Variants in PIK3C2G observed in about 807,000 individuals in gnomAD.
PIK3C2G encodes the protein phosphatidylinositol 3-kinase C2 domain-containing subunit gamma.
In PIK3C2G, 168 loss-of-function variants were observed where a neutral mutation model predicts 181.1. The ratio of observed to expected loss-of-function variants is 0.93; its 90% confidence interval spans 0.82 to 1.05. The LOEUF (loss-of-function observed/expected upper bound fraction) is 1.05, where lower values mean the gene tolerates loss of function less well. Ranked by LOEUF, PIK3C2G falls within the 50% of genes least tolerant of loss-of-function variation. The probability of loss-of-function intolerance (pLI) is 0.00; values close to 1 mark genes in which losing one functional copy is unlikely to be tolerated. For missense variants in PIK3C2G, 1,869 were observed against 1,732.8 expected, an observed-to-expected ratio of 1.08 and a Z score of -1.40; for synonymous variants, 573 against 592.2, an observed-to-expected ratio of 0.97 and a Z score of 0.47.
intron 24 of PIK3C2G, among the ~76,000 whole-genome samples, chr12:18,510,360 G>T (rs1375217006): frequency 6.6e-6 from 1 of 152,112 alleles, no homozygotes; most frequent in Non-Finnish European, 1.5e-5. Flanking sequence ...CTGTAACAAT[G>T]ATTTCTACAG....
At chr12:18,411,308 T>C (rs1944857961) in intron 16 of PIK3C2G, among the ~76,000 whole-genome samples, 1 of 152,156 alleles carries the variant, frequency 6.6e-6, no homozygotes, top group South Asian at 2.1e-4. Context: ...TGGATGATAG[T>C]TTCAGTGACA....
At chr12:18,509,415 A>G (rs756471468) in intron 24 of PIK3C2G, among the ~76,000 whole-genome samples, 3 of 152,252 alleles carry the variant, frequency 2.0e-5, no homozygotes, top group Non-Finnish European at 4.4e-5. Context: ...GAGGTGATAT[A>G]AGAAGGATCT....
chr12:18,343,411 A>G (rs1330104713), intron 10 of PIK3C2G, 51 bp downstream of exon 10: 1 of 971,112 alleles, frequency 1.0e-6, no homozygotes, highest in Non-Finnish European at 1.5e-6. Flanking sequence ...AAAATAAGTT[A>G]CAGAATCCAA....
chr12:18,625,635 A>G (rs1165492025), intron 31 of PIK3C2G, among the ~76,000 whole-genome samples: 1 of 151,752 alleles, frequency 6.6e-6, no homozygotes, highest in Non-Finnish European at 1.5e-5. Context: ...GTTCCCTACC[A>G]TTATTGTATT....
chr12:18,276,627 C>T (rs1401673178), intron 1 of PIK3C2G, among the ~76,000 whole-genome samples: 4 of 152,006 alleles, frequency 2.6e-5, no homozygotes, highest in Non-Finnish European at 5.9e-5. Flanking sequence ...AAAATGGAGC[C>T]TGTGTGTATT....
At chr12:18,523,274 T>C (rs1943029356) in intron 24 of PIK3C2G, among the ~76,000 whole-genome samples, 1 of 152,236 alleles carries the variant, frequency 6.6e-6, no homozygotes, top group Admixed American at 6.5e-5. Flanking sequence ...ATTAGTTTCC[T>C]TTGGCAGTGT....
chr12:18,505,967 G>A (rs1941804897), intron 24 of PIK3C2G, among the ~76,000 whole-genome samples: 1 of 152,160 alleles, frequency 6.6e-6, no homozygotes, highest in Non-Finnish European at 1.5e-5. Flanking sequence ...TTTCTAGTAG[G>A]GGTGACAGAC....
At chr12:18,677,392 C>T in the PIK3C2G span, among the ~76,000 whole-genome samples, 1 of 152,060 alleles carries the variant, frequency 6.6e-6, no homozygotes, top group Non-Finnish European at 1.5e-5. Flanking sequence ...TCAGTCCTGA[C>T]CACTGATTAG....
chr12:18,408,432 T>C (rs926437118), intron 16 of PIK3C2G, among the ~76,000 whole-genome samples: 2 of 152,212 alleles, frequency 1.3e-5, no homozygotes. Flanking sequence ...ATATCTGTTT[T>C]GGTACCAGTA....
chr12:18,255,220 T>TAAATA (rs397952027), intron 1 of PIK3C2G, among the ~76,000 whole-genome samples: 3,054 of 96,594 alleles, frequency 0.032, 37 homozygotes, highest in African/African-American at 0.046. Context: ...GTCTCAAAAA[T>TAAATA]AAATAAATAA....
intron 32 of PIK3C2G, among the ~76,000 whole-genome samples, chr12:18,645,603 A>T (rs1950084998): frequency 6.6e-6 from 1 of 152,160 alleles, no homozygotes. Flanking sequence ...ACTAAGAAAC[A>T]ACTGTTCCTT....
At chr12:18,343,877 C>A (rs1939390761) in intron 10 of PIK3C2G, among the ~76,000 whole-genome samples, 1 of 152,094 alleles carries the variant, frequency 6.6e-6, no homozygotes. Flanking sequence ...TTGCAAGCCA[C>A]GGGAGGACTT....
intron 29 of PIK3C2G, among the ~76,000 whole-genome samples, chr12:18,575,023 C>G (rs926485665): frequency 3.3e-5 from 5 of 152,042 alleles, no homozygotes; most frequent in African/African-American, 1.2e-4. Flanking sequence ...TGCTGTGCCT[C>G]CTAGTTCAGT....
chr12:18,585,434 A>G (rs925268766), intron 29 of PIK3C2G, among the ~76,000 whole-genome samples: 1 of 152,030 alleles, frequency 6.6e-6, no homozygotes, highest in Non-Finnish European at 1.5e-5. Flanking sequence ...AAAGATAAGA[A>G]AAGAAAAAAA....
chr12:18,541,033 T>G (rs1944122025), intron 25 of PIK3C2G, among the ~76,000 whole-genome samples: 1 of 151,990 alleles, frequency 6.6e-6, no homozygotes, highest in Non-Finnish European at 1.5e-5. Context: ...GAAAGACTAT[T>G]TTCTACTTAT....
chr12:18,628,728 A>G (rs142908657), intron 31 of PIK3C2G, among the ~76,000 whole-genome samples: 54 of 152,290 alleles, frequency 3.5e-4, no homozygotes, highest in Non-Finnish European at 5.3e-4. Flanking sequence ...TTCATTTCCA[A>G]TCTTTCCAAG....
intron 24 of PIK3C2G, among the ~76,000 whole-genome samples, chr12:18,518,206 T>C (rs1325524790): frequency 1.5e-4 from 23 of 152,176 alleles, no homozygotes; most frequent in Admixed American, 1.4e-3. Flanking sequence ...CTTTTTTTGT[T>C]GTGCCTCTGC....
Position 18,545,418 on chromosome 12 carries a change from C to G in PIK3C2G, c.3481-905C>G, listed in dbSNP as rs114682858. Among the ~76,000 whole-genome samples the G allele has an allele frequency of 7.8e-3, 1,187 of 151,924 alleles. 14 individuals are homozygous for G. Among genetic ancestry groups the G allele is most frequent in the African/African-American group, 0.027 (1,126 of 41,498 alleles). On this transcript the variant is annotated intron_variant, in intron 25 of 32. Coordinates refer to ENST00000538779, the MANE Select transcript of PIK3C2G (RefSeq NM_001288772.2). ...CCTTTGTTTTAAGGATCGATAGTATCATTCTTAACATCTTATTGTAAGAGG... is the reference window on the plus strand; with the variant it reads ...CCTTTGTTTTAAGGATCGATAGTATGATTCTTAACATCTTATTGTAAGAGG...
chr12:18,487,498 G>A (rs1940168416), intron 18 of PIK3C2G, among the ~76,000 whole-genome samples: 1 of 151,678 alleles, frequency 6.6e-6, no homozygotes, highest in Non-Finnish European at 1.5e-5. Flanking sequence ...TTTCAGAGAA[G>A]GCAAAAACTA....
Sources: gnomAD v4.1 joint callset for allele counts (sites outside exome capture counted in the v4.1 genomes callset) on GRCh38, gnomAD v4.1.1 for gene constraint, MANE v1.5 for transcripts, NCBI Gene and HGNC (gene_info 2026-07-23, HGNC 2026-07-21) for gene names.